EYS: variants seen among roughly 807,000 people sequenced by gnomAD.
EYS encodes the protein EGF-like photoreceptor maintenance factor.
A neutral mutation model predicts 282.1 loss-of-function variants in EYS; 250 were observed. The observed-to-expected ratio is 0.89, with a 90% CI of 0.80 to 0.98. EYS has a LOEUF of 0.98. Among genes scored for constraint, EYS ranks in the 50% least tolerant of loss-of-function variants. EYS has a pLI of 0.00. For synonymous variants in EYS, 1,355 were observed against 1,282.9 expected (o/e 1.06, Z -1.20); for missense variants, 4,016 against 3,709.0 (o/e 1.08, Z -2.15).
intron 31 of EYS, among the ~76,000 whole-genome samples, chr6:64,215,187 A>G (rs931206188): frequency 1.3e-5 from 2 of 152,054 alleles, no homozygotes; most frequent in African/African-American, 4.8e-5. Context: ...ATTGTTTTCA[A>G]TTTATTCAGG....
At chr6:64,537,661 T>G (rs1470572652) in intron 26 of EYS, among the ~76,000 whole-genome samples, 1 of 152,166 alleles carries the variant, frequency 6.6e-6, no homozygotes, top group East Asian at 1.9e-4. Flanking sequence ...TAGAGTACAC[T>G]TAAGTATTTT....
intron 15 of EYS, among the ~76,000 whole-genome samples, chr6:64,925,135 T>C (rs1164292949): frequency 1.3e-5 from 2 of 152,174 alleles, no homozygotes; most frequent in African/African-American, 2.4e-5. Flanking sequence ...GAAAGAATCA[T>C]GGTGGGAGAT....
chr6:64,872,903 G>T (rs1462940167), intron 19 of EYS, among the ~76,000 whole-genome samples: 1 of 151,378 alleles, frequency 6.6e-6, no homozygotes, highest in Non-Finnish European at 1.5e-5. Context: ...AGTAAAGTGT[G>T]ACTTGATCAA....
chr6:64,302,867 A>G (rs1211171973), intron 30 of EYS, among the ~76,000 whole-genome samples: 1 of 152,188 alleles, frequency 6.6e-6, no homozygotes, highest in Non-Finnish European at 1.5e-5. Context: ...TGTGGTACAA[A>G]TGAATTGCTA....
At chr6:64,417,159 TATA>T (rs1774082073) in intron 28 of EYS, among the ~76,000 whole-genome samples, 1 of 152,222 alleles carries the variant, frequency 6.6e-6, no homozygotes, top group Admixed American at 6.5e-5. Context: ...GCTATACACA[TATA>T]TTTGTAATTT....
chr6:64,057,396 A>ATTT (rs755108636), intron 33 of EYS, among the ~76,000 whole-genome samples: 10,085 of 149,790 alleles, frequency 0.067, 555 homozygotes, highest in African/African-American at 0.15. Flanking sequence ...TTTTTTTTTA[A>ATTT]AAATAGAATG....
At chr6:65,633,489 G>C (rs748544340) in intron 2 of EYS, among the ~76,000 whole-genome samples, 52 of 152,242 alleles carry the variant, frequency 3.4e-4, no homozygotes, top group Non-Finnish European at 7.1e-4. Context: ...TGTAGAGGTA[G>C]GCGAAGTAGG....
At chr6:64,212,071 G>A (rs562846334) in intron 31 of EYS, among the ~76,000 whole-genome samples, 48 of 152,038 alleles carry the variant, frequency 3.2e-4, no homozygotes, top group African/African-American at 1.1e-3. Context: ...AGCCAAGGTC[G>A]CACCACTGCA....
intron 31 of EYS, among the ~76,000 whole-genome samples, chr6:64,195,089 T>C (rs1400560437): frequency 1.3e-5 from 2 of 152,172 alleles, no homozygotes; most frequent in Admixed American, 1.3e-4. Flanking sequence ...TAGTCAATAT[T>C]TGTTTATATT....
intron 12 of EYS, among the ~76,000 whole-genome samples, chr6:65,153,048 C>T (rs1449508065): frequency 6.6e-6 from 1 of 151,322 alleles, no homozygotes; most frequent in Non-Finnish European, 1.5e-5. Flanking sequence ...TAATCTCTAC[C>T]TTGAATATTG....
At chr6:63,963,222 A>G (rs1450409936) in intron 35 of EYS, among the ~76,000 whole-genome samples, 2 of 152,118 alleles carry the variant, frequency 1.3e-5, no homozygotes, top group Non-Finnish European at 2.9e-5. Context: ...ATGTATATAT[A>G]TGTAACTAGC....
At chr6:63,940,731 T>C (rs1216749731) in intron 35 of EYS, among the ~76,000 whole-genome samples, 1 of 151,842 alleles carries the variant, frequency 6.6e-6, no homozygotes, top group East Asian at 1.9e-4. Flanking sequence ...ATGTGTACAA[T>C]GTGCAGGTTT....
intron 33 of EYS, among the ~76,000 whole-genome samples, chr6:64,027,951 C>T (rs535314596): frequency 8.8e-4 from 134 of 152,290 alleles, no homozygotes; most frequent in Non-Finnish European, 1.5e-3. Context: ...CTGTCCTGGA[C>T]GACTGTCCTC....
intron 41 of EYS, among the ~76,000 whole-genome samples, chr6:63,741,628 C>T (rs1023434906): frequency 3.9e-5 from 6 of 152,100 alleles, no homozygotes; most frequent in Admixed American, 3.3e-4. Flanking sequence ...CTTGATTTTC[C>T]CCTGTGATTC....
intron 22 of EYS, among the ~76,000 whole-genome samples, chr6:64,748,448 A>T (rs537006557): frequency 1.4e-4 from 22 of 152,358 alleles, no homozygotes; most frequent in Non-Finnish European, 2.5e-4. Context: ...TGCACAGTTC[A>T]CAATAGGGTT....
intron 28 of EYS, among the ~76,000 whole-genome samples, chr6:64,405,940 C>G (rs1355743910): frequency 1.3e-5 from 2 of 152,090 alleles, no homozygotes; most frequent in Non-Finnish European, 2.9e-5. Context: ...ACTTTCTTCA[C>G]AGAATTGGAA....
At chr6:64,605,530 C>T (rs1161256527) in intron 24 of EYS, among the ~76,000 whole-genome samples, 2 of 151,680 alleles carry the variant, frequency 1.3e-5, no homozygotes, top group Non-Finnish European at 2.9e-5. Context: ...TTATATATAA[C>T]ATAACTAAAA....
At chr6:64,354,044 A>G (rs1008688835) in intron 29 of EYS, among the ~76,000 whole-genome samples, 1 of 151,634 alleles carries the variant, frequency 6.6e-6, no homozygotes, top group Non-Finnish European at 1.5e-5. Flanking sequence ...TTGGTGGCAG[A>G]AAACAGTCAC....
At chr6:64,565,788 G>A (rs886772566) in intron 26 of EYS, among the ~76,000 whole-genome samples, 1 of 151,892 alleles carries the variant, frequency 6.6e-6, no homozygotes, top group Non-Finnish European at 1.5e-5. Context: ...CATATAAAAG[G>A]TAACTATATA....
Sources: gnomAD v4.1 joint callset for allele counts (sites outside exome capture counted in the v4.1 genomes callset) on GRCh38, gnomAD v4.1.1 for gene constraint, MANE v1.5 for transcripts, NCBI Gene and HGNC (gene_info 2026-07-23, HGNC 2026-07-21) for gene names.